The following SOX5 variants were observed in gnomAD, a reference collection of about 807,000 sequenced individuals.
SOX5 encodes SRY-box transcription factor 5.
SOX5 carries 9 observed loss-of-function variants against 92.0 expected under a neutral mutation model. That is an observed-to-expected ratio of 0.10 (90% CI 0.06 to 0.17). The LOEUF is 0.17. SOX5 is among the 10% of genes least tolerant of loss of function. The pLI is 1.00. For missense variants in SOX5, 642 were observed against 944.5 expected, an observed-to-expected ratio of 0.68 and a Z score of 4.20; for synonymous variants, 344 against 336.3, an observed-to-expected ratio of 1.02 and a Z score of -0.25.
intron 8 of SOX5, among the ~76,000 whole-genome samples, chr12:23,625,598 G>A (rs1446858071): frequency 2.6e-5 from 4 of 152,020 alleles, no homozygotes; most frequent in Non-Finnish European, 5.9e-5. Flanking sequence ...CAGCCAACAG[G>A]CAAATATTTG....
intron 6 of SOX5, among the ~76,000 whole-genome samples, chr12:23,723,315 A>G (rs913770709): frequency 6.6e-6 from 1 of 152,044 alleles, no homozygotes; most frequent in African/African-American, 2.4e-5. Context: ...TTACTGATCA[A>G]GTTTTTATTC....
intron 8 of SOX5, among the ~76,000 whole-genome samples, chr12:23,639,975 A>G (rs1289076872): frequency 1.3e-5 from 2 of 152,220 alleles, no homozygotes; most frequent in African/African-American, 4.8e-5. Context: ...TCAGGCTAAC[A>G]GTATTCATAG....
intron 2 of SOX5, among the ~76,000 whole-genome samples, chr12:23,893,524 G>A (rs2097149270): frequency 6.6e-6 from 1 of 151,710 alleles, no homozygotes; most frequent in South Asian, 2.1e-4. Flanking sequence ...CATTATGTAT[G>A]TATCAGTTTA....
intron 1 of SOX5, among the ~76,000 whole-genome samples, chr12:24,473,691 G>T (rs573017777): frequency 6.6e-6 from 1 of 152,198 alleles, no homozygotes; most frequent in Admixed American, 6.5e-5. Flanking sequence ...GAGTACAGGT[G>T]TAAGACTGAG....
intron 2 of SOX5, among the ~76,000 whole-genome samples, chr12:23,887,157 G>T (rs920378000): frequency 6.6e-6 from 1 of 152,120 alleles, no homozygotes; most frequent in African/African-American, 2.4e-5. Flanking sequence ...TGCAGTAAGA[G>T]AAACCTAGAC....
At chr12:23,954,884 T>A (rs1196127418), upstream of SOX5, among the ~76,000 whole-genome samples, 1 of 152,112 alleles carries the variant, frequency 6.6e-6, no homozygotes, top group African/African-American at 2.4e-5. Flanking sequence ...GTAACTGCTT[T>A]CACTGTTTGA....
chr12:24,506,944 CTG>C lies in SOX5; in HGVS notation c.-251+55383_-251+55384del. Among the ~76,000 whole-genome samples, 5 of 151,730 alleles carry C rather than the reference CTG, an allele frequency of 3.3e-5. No individual in the cohort carries two copies. In the East Asian group the frequency reaches 7.8e-4, roughly 24 times the overall value. On this transcript the variant is annotated intron_variant, in intron 1 of 4. Coordinates refer to the SOX5 transcript ENST00000446891. The stretch of plus-strand genomic sequence containing the variant: ...TAGCTGGGACTACAGGCGCCCGCCA[CTG>C]CACCCGGCTAATTTTTTGTATTTTT...
intron 4 of SOX5, among the ~76,000 whole-genome samples, chr12:24,025,239 T>C (rs1954752693): frequency 6.6e-6 from 1 of 151,628 alleles, no homozygotes; most frequent in South Asian, 2.1e-4. Flanking sequence ...GAGTGAGAAA[T>C]GGAAAGATGG....
intron 3 of SOX5, among the ~76,000 whole-genome samples, chr12:24,255,773 A>G (rs913456928): frequency 6.6e-6 from 1 of 152,216 alleles, no homozygotes; most frequent in Admixed American, 6.5e-5. Context: ...TTCCCGGAAC[A>G]TAAGTGGCAG....
chr12:24,321,913 A>T (rs1470655055), intron 2 of SOX5, among the ~76,000 whole-genome samples: 5 of 152,246 alleles, frequency 3.3e-5, no homozygotes, highest in Admixed American at 6.5e-5. Context: ...TGGAAGTCTC[A>T]ATTATTATGT....
intron 8 of SOX5, among the ~76,000 whole-genome samples, chr12:23,635,726 G>A (rs975001452): frequency 1.3e-5 from 2 of 152,096 alleles, no homozygotes; most frequent in Admixed American, 6.6e-5. Flanking sequence ...GCATAGTGGA[G>A]AGTGCATTGA....
At chr12:23,869,219 T>A (rs1478781689) in intron 2 of SOX5, among the ~76,000 whole-genome samples, 3 of 152,184 alleles carry the variant, frequency 2.0e-5, no homozygotes, top group East Asian at 3.8e-4. Flanking sequence ...ACACTCTTCA[T>A]CAAATACATT....
chr12:23,824,090 T>A (rs1444651660), intron 3 of SOX5, among the ~76,000 whole-genome samples: 3 of 152,178 alleles, frequency 2.0e-5, no homozygotes, highest in African/African-American at 7.2e-5. Flanking sequence ...GAGTTTGCTA[T>A]TACTCACCTT....
At chr12:24,288,819 A>G (rs745534771) in intron 2 of SOX5, among the ~76,000 whole-genome samples, 1 of 151,938 alleles carries the variant, frequency 6.6e-6, no homozygotes, top group Non-Finnish European at 1.5e-5. Flanking sequence ...ACCAATCTTT[A>G]AAAGTGAATT....
At chr12:24,384,985 G>C (rs892490277) in intron 1 of SOX5, among the ~76,000 whole-genome samples, 10 of 152,062 alleles carry the variant, frequency 6.6e-5, no homozygotes, top group Non-Finnish European at 1.5e-4. Context: ...ATCATCACAA[G>C]AAGAAAGCTG....
At chr12:24,381,198 C>T (rs1041476108) in intron 1 of SOX5, among the ~76,000 whole-genome samples, 6 of 152,046 alleles carry the variant, frequency 3.9e-5, no homozygotes, top group Admixed American at 6.5e-5. Flanking sequence ...CATTGACCAA[C>T]GAAAAACCAA....
At chr12:24,219,263 C>A (rs1037494956) in intron 3 of SOX5, among the ~76,000 whole-genome samples, 5 of 151,784 alleles carry the variant, frequency 3.3e-5, no homozygotes, top group African/African-American at 1.2e-4. Flanking sequence ...GACTACAGCT[C>A]ACAATAATTT....
chr12:24,104,051 T>C (rs1569543176), intron 4 of SOX5, among the ~76,000 whole-genome samples: 2 of 152,214 alleles, frequency 1.3e-5, no homozygotes, highest in Non-Finnish European at 2.9e-5. Flanking sequence ...TAACCAAGTT[T>C]TGAATCTATT....
chr12:24,496,463 G>T (rs74070906), intron 1 of SOX5, among the ~76,000 whole-genome samples: 4,304 of 152,124 alleles, frequency 0.028, 71 homozygotes, highest in Middle Eastern at 0.054. Flanking sequence ...TTCACTCTTA[G>T]GTCTAAGGAA....
Sources: allele counts gnomAD v4.1 joint callset (sites outside exome capture counted in the v4.1 genomes callset), GRCh38; gene constraint gnomAD v4.1.1; transcripts MANE v1.5; gene names NCBI Gene and HGNC (gene_info 2026-07-23, HGNC 2026-07-21).